NGB: variants seen among roughly 807,000 people sequenced by gnomAD.
NGB encodes the protein neuroglobin.
A neutral mutation model predicts 17.3 loss-of-function variants in NGB; 12 were observed. The observed-to-expected ratio is 0.69, with a 90% CI of 0.45 to 1.13. The LOEUF (loss-of-function observed/expected upper bound fraction) is 1.13, where lower values mean the gene tolerates loss of function less well. Ranked by LOEUF, NGB falls within the 50% of genes most tolerant of loss-of-function variation. NGB has a pLI of 0.00. For missense variants in NGB, 195 were observed against 191.7 expected, an observed-to-expected ratio of 1.02 and a Z score of -0.10; for synonymous variants, 87 against 81.0, an observed-to-expected ratio of 1.07 and a Z score of -0.40.
intron 1 of NGB, among the ~76,000 whole-genome samples, chr14:77,270,359 G>A (rs1428816026): frequency 6.6e-6 from 1 of 152,138 alleles, no homozygotes; most frequent in East Asian, 1.9e-4. Context: ...TGTCTTGTTG[G>A]TTGTCAGGGA....
intron 1 of NGB, among the ~76,000 whole-genome samples, chr14:77,269,977 G>T (rs1889746055): frequency 6.6e-6 from 1 of 151,922 alleles, no homozygotes; most frequent in Non-Finnish European, 1.5e-5. Context: ...ATGTAGTGCA[G>T]CCACAGCGGG....
In NGB at chr14:77,271,169, C is replaced by T; in HGVS notation, c.-232G>A. 1 of 427,148 alleles carries T rather than the reference C, an allele frequency of 2.3e-6. No homozygotes were observed. Among genetic ancestry groups the T allele is most frequent in the Admixed American group, 4.6e-5 (1 of 21,694 alleles). 26.5% of individuals were successfully genotyped at this position (427,148 alleles called of 1,614,324 possible). ...TGTGCTTCCGGGGACCCCGCTTGGC[C>T]GCTGCGCCCTGCGCCCCGCAGCCGC... On this transcript the variant is annotated 5_prime_UTR_variant, in exon 1 of 4. Transcript: ENST00000298352.
intron 1 of NGB, among the ~76,000 whole-genome samples, chr14:77,269,734 T>C (rs1438204770): frequency 2.9e-3 from 9 of 3,146 alleles, no homozygotes; most frequent in Non-Finnish European, 4.4e-3. Flanking sequence ...CTCTTCTCTC[T>C]CTCTCTCTCT....
intron 3 of NGB, 106 bp from the exon 4 acceptor site, chr14:77,266,776 T>G: frequency 8.0e-7 from 1 of 1,242,846 alleles, no homozygotes; most frequent in Non-Finnish European, 1.1e-6. Flanking sequence ...TCCTGGGCCT[T>G]TTTTCCTCTC....
rs1889674516 is a variant in NGB at position 77,266,577 on chromosome 14, C to T, written c.415G>A (p.Ala139Thr). ...TRAAWSQLYG[A>T]VVQAMSRGWD... ...CCTCGACTCATGGCCTGCACTACGGCCCCGTAGAGTTGGCTCCAGGCAGCC... is the reference window on the plus strand; with the variant it reads ...CCTCGACTCATGGCCTGCACTACGGTCCCGTAGAGTTGGCTCCAGGCAGCC... Residue 139 changes from alanine to threonine, a missense_variant, in exon 4 of 4, where the codon GCC becomes ACC. Ala to Thr is a moderately conservative substitution (Grantham distance 58). Transcript: ENST00000298352. The T allele has an allele frequency of 1.2e-6, 2 of 1,614,150 alleles. No individual in the cohort carries two copies. The highest frequency in any genetic ancestry group is 1.3e-5 in the African/African-American group (1 of 75,062).
In NGB at chr14:77,270,894, G is replaced by C. The variant is rs749380443; in HGVS notation, c.44C>G (p.Ala15Gly). ...GTGCTCCAGCGGGCTGCGGCTCACT[G>C]CCCGCCAGCTCTGCCGGATCAGCTC... is the stretch of plus-strand genomic sequence containing the variant. ...EPELIRQSWRAVSRSPLEHGT... is the reference protein window; with the variant it reads ...EPELIRQSWRGVSRSPLEHGT... The change falls in exon 1 of 4, where the codon GCA becomes GGA. Residue 15 changes from alanine (A) to glycine (G), a missense_variant. Transcript: ENST00000298352. 4 of 1,584,414 alleles carry C rather than the reference G, an allele frequency of 2.5e-6. No individual in the cohort carries two copies. In the African/African-American group the frequency reaches 5.4e-5, roughly 21 times the overall value.
At chr14:77,269,684 C>T (rs945048234) in intron 1 of NGB, among the ~76,000 whole-genome samples, 2 of 2,982 alleles carry the variant, frequency 6.7e-4, no homozygotes, top group Non-Finnish European at 1.1e-3. Flanking sequence ...CTCTCTCTCT[C>T]TCTCTCTCTC....
At chr14:77,270,778 T>C in intron 1 of NGB, 71 bp downstream of exon 1, 1 of 1,333,784 alleles carries the variant, frequency 7.5e-7, no homozygotes, top group East Asian at 2.6e-5. Context: ...TCGGGGCCGG[T>C]CCTGCCGCGT....
intron 3 of NGB, 117 bp from the exon 4 acceptor site, chr14:77,266,787 C>T: frequency 8.8e-7 from 1 of 1,139,320 alleles, no homozygotes; most frequent in East Asian, 2.6e-5. Flanking sequence ...TTTTCCTCTC[C>T]TGCATTGAGT....
At chr14:77,270,625 G>A (rs1430034062) in intron 1 of NGB, among the ~76,000 whole-genome samples, 2 of 152,228 alleles carry the variant, frequency 1.3e-5, no homozygotes, top group African/African-American at 4.8e-5. Context: ...CGCTGGGAGA[G>A]TGGTGTGCGG....
intron 1 of NGB, among the ~76,000 whole-genome samples, chr14:77,270,025 C>A (rs1889747183): frequency 6.6e-6 from 1 of 151,798 alleles, no homozygotes; most frequent in Non-Finnish European, 1.5e-5. Flanking sequence ...AGTCCGGAGG[C>A]AGAAGCAGAG....
chr14:77,269,099 G>T, intron 2 of NGB, 116 bp downstream of exon 2: 1 of 670,250 alleles, frequency 1.5e-6, no homozygotes, highest in Middle Eastern at 2.5e-4. Context: ...ACCCTGCTTG[G>T]GGGAACTGGA....
Position 77,271,185 on chromosome 14 carries a change from C to T in NGB, c.-248G>A. On this transcript the variant is annotated 5_prime_UTR_variant, in exon 1 of 4. Transcript: ENST00000298352. ...CCGCTTGGCCGCTGCGCCCTGCGCCCCGCAGCCGCCAGAGCCGCCCCACCC... is the reference window on the plus strand; with the variant it reads ...CCGCTTGGCCGCTGCGCCCTGCGCCTCGCAGCCGCCAGAGCCGCCCCACCC... The T allele has an allele frequency of 4.9e-6, 2 of 409,070 alleles. No individual in the cohort carries two copies. The highest frequency in any genetic ancestry group is 4.3e-6 in the Non-Finnish European group (1 of 230,382). 25.3% of individuals were successfully genotyped at this position (409,070 alleles called of 1,614,324 possible). A position where few individuals can be genotyped will look rare whatever the true frequency, so the allele number is the denominator to read the frequency against.
At position 77,266,733 on chromosome 14, in the gene NGB, G is replaced by A. The variant is rs1051145300; in HGVS notation, c.322-63C>T. ...AGAAAGGCACTGCTCCATTCCACAG[G>A]TGAGAAAACTGAGGCCTAGGACTGA... is the stretch of plus-strand genomic sequence containing the variant. On this transcript the variant is annotated intron_variant, in intron 3 of 3. Transcript: ENST00000298352. 21 of 1,578,710 alleles carry A rather than the reference G, an allele frequency of 1.3e-5. No homozygotes were observed. The African/African-American group carries it at 2.7e-4, about 20-fold the overall frequency.
At chr14:77,268,773 T>C (rs575460687) in intron 2 of NGB, among the ~76,000 whole-genome samples, 188 bp from the exon 3 acceptor site, 1 of 152,338 alleles carries the variant, frequency 6.6e-6, no homozygotes, top group South Asian at 2.1e-4. Context: ...GTGGCCAAAC[T>C]ACTAATGTTA....
intron 1 of NGB, among the ~76,000 whole-genome samples, chr14:77,269,678 C>T (rs989133026): frequency 7.6e-3 from 10 of 1,312 alleles, no homozygotes; most frequent in Non-Finnish European, 0.015. Flanking sequence ...TTCTCTCTCT[C>T]TCTCTCTCTC....
chr14:77,267,688 G>A (rs1889692934), intron 3 of NGB, among the ~76,000 whole-genome samples: 1 of 152,174 alleles, frequency 6.6e-6, no homozygotes, highest in African/African-American at 2.4e-5. Context: ...TGCTGGTGCT[G>A]GGGATGGAGA....
chr14:77,268,721 G>T, intron 2 of NGB, 136 bp from the exon 3 acceptor site: 1 of 1,212,504 alleles, frequency 8.2e-7, no homozygotes, highest in Non-Finnish European at 1.2e-6. Context: ...AGGGGTCAAA[G>T]GCAGCCTGTG....
At chr14:77,268,798 G>A (rs374418930) in intron 2 of NGB, among the ~76,000 whole-genome samples, 17 of 152,214 alleles carry the variant, frequency 1.1e-4, no homozygotes, top group African/African-American at 3.6e-4. Context: ...CATGAAGGAA[G>A]CCTCTCTCCT....
Sources: gnomAD v4.1 joint callset for allele counts (sites outside exome capture counted in the v4.1 genomes callset) on GRCh38, gnomAD v4.1.1 for gene constraint, MANE v1.5 for transcripts, NCBI Gene and HGNC (gene_info 2026-07-23, HGNC 2026-07-21) for gene names.